ANAPC7: variants seen among roughly 807,000 people sequenced by gnomAD.
ANAPC7 encodes the protein anaphase-promoting complex subunit 7.
Under a neutral mutation model 63.3 loss-of-function variants are expected in ANAPC7, and 25 were observed. The observed-to-expected ratio is 0.39, with a 90% CI of 0.29 to 0.55. The LOEUF is 0.55. Among genes scored for constraint, ANAPC7 ranks in the 20% least tolerant of loss-of-function variants. The probability of loss-of-function intolerance (pLI) is 0.57; values close to 1 mark genes in which losing one functional copy is unlikely to be tolerated. For missense variants in ANAPC7, 516 were observed against 691.7 expected (o/e 0.75, Z 2.85); for synonymous variants, 241 against 251.7 (o/e 0.96, Z 0.40).
At chr12:110,382,492 ATATT>A (rs1414036203) in intron 7 of ANAPC7, among the ~76,000 whole-genome samples, 30 of 133,012 alleles carry the variant, frequency 2.3e-4, no homozygotes, top group African/African-American at 8.4e-4. Context: ...ATATATATAT[ATATT>A]TATAGAGACA....
rs1881399973 is a variant in ANAPC7, at chr12:110,377,531, C to T, written c.1219G>A (p.Ala407Thr). The change falls in exon 9 of 11, where the codon GCA becomes ACA. Residue 407 changes from alanine to threonine, a missense_variant. Ala to Thr is a moderately conservative substitution (Grantham distance 58). Around this residue, in one of 4 missense-constraint regions of ANAPC7, gnomAD observed 122 missense variants for 212.0 expected, o/e 0.58. Transcript: ENST00000455511. Reference sequence around the variant, plus strand: ...GTGGCTAAAAGGGTAAGGGTCTGTGCATTTGCTCCCAGAGTTTTGTAAACG... The same window carrying T: ...GTGGCTAAAAGGGTAAGGGTCTGTGTATTTGCTCCCAGAGTTTTGTAAACG... The part of the protein sequence containing the change: ...NNVYKTLGAN[A>T]QTLTLLATVC... The T allele has an allele frequency of 1.2e-6, 2 of 1,614,088 alleles. No homozygotes were observed. Among genetic ancestry groups the T allele is most frequent in the Non-Finnish European group, 1.7e-6 (2 of 1,180,056 alleles).
In ANAPC7 at chr12:110,382,308, CA is replaced by C. The variant is rs377333706; in HGVS notation, c.936-361del. Among the ~76,000 whole-genome samples, 74 of 150,992 alleles carry C rather than the reference CA, an allele frequency of 4.9e-4. 1 individual carries two copies. The East Asian group carries it at 0.011, about 23-fold the overall frequency. ...TCAGTACTAAGCACAATGCATTCAC[CA>C]ACTCAGTTAATGCTTAACCCTAGAA... On this transcript the variant is annotated intron_variant, in intron 7 of 10. Coordinates refer to ENST00000455511, the MANE Select transcript of ANAPC7 (RefSeq NM_016238.3).
chr12:110,398,459 T>C (rs2137990499), intron 1 of ANAPC7, among the ~76,000 whole-genome samples: 1 of 151,964 alleles, frequency 6.6e-6, no homozygotes, highest in Non-Finnish European at 1.5e-5. Flanking sequence ...CTAGAATTCT[T>C]ACCTCCTGGA....
At chr12:110,395,847 ATC>A (rs1883529057) in intron 2 of ANAPC7, among the ~76,000 whole-genome samples, 1 of 152,058 alleles carries the variant, frequency 6.6e-6, no homozygotes, top group Admixed American at 6.6e-5. Context: ...TTCTGGCCTC[ATC>A]TTCTACATCT....
At chr12:110,394,756 G>A (rs948814602) in intron 3 of ANAPC7, among the ~76,000 whole-genome samples, 4 of 151,816 alleles carry the variant, frequency 2.6e-5, no homozygotes, top group African/African-American at 7.3e-5. Flanking sequence ...TGAGGTGGGA[G>A]GATTGCTTAA....
rs1022080168 is a variant in ANAPC7, at chr12:110,387,506, C to T, written c.674+233G>A. 12 of 347,342 alleles carry T rather than the reference C, an allele frequency of 3.5e-5. No individual in the cohort carries two copies. The East Asian group carries it at 5.4e-4, about 16-fold the overall frequency. 21.5% of individuals were successfully genotyped at this position (347,342 alleles called of 1,614,324 possible). A position where few individuals can be genotyped will look rare whatever the true frequency, so the allele number is the denominator to read the frequency against. ...TGCTTTGCTTTGCAAGGGTTACTAC[C>T]TGTGCAGGCACAGAGCTAAACTCAG... On this transcript the variant is annotated intron_variant, in intron 5 of 10. Transcript: ENST00000455511.
Position 110,388,040 on chromosome 12 carries a change from TTTC to T in ANAPC7, c.521-151_521-149del, listed in dbSNP as rs371818494. Reference sequence around the variant, plus strand: ...ATGAGAGAAAAACCATAATTTAGTATTTCTTTTCTTTTTGAGACAGTGTCTTGT... The same window carrying T: ...ATGAGAGAAAAACCATAATTTAGTATTTTTCTTTTTGAGACAGTGTCTTGT... On this transcript the variant is annotated intron_variant, in intron 4 of 10. Transcript: ENST00000455511. 266 of 869,898 alleles carry T rather than the reference TTTC, an allele frequency of 3.1e-4. 1 individual carries two copies. In the East Asian group the frequency reaches 6.5e-3, roughly 21 times the overall value. The allele number at this position is 869,898 out of a possible 1,614,324, so 53.9% of individuals were successfully genotyped here.
intron 10 of ANAPC7, 117 bp from the exon 11 acceptor site, chr12:110,374,450 A>G: frequency 1.0e-6 from 1 of 983,548 alleles, no homozygotes; most frequent in Non-Finnish European, 1.5e-6. Context: ...AATGTGCTAA[A>G]GCCTGGCCTC....
intron 8 of ANAPC7, among the ~76,000 whole-genome samples, chr12:110,381,331 TTTGTTG>T (rs1240857018): frequency 1.3e-5 from 2 of 152,032 alleles, no homozygotes; most frequent in African/African-American, 2.4e-5. Flanking sequence ...ATGATGTTTT[TTTGTTG>T]TTGTTGTTGT....
At chr12:110,403,034 GC>G (rs373126088) in intron 1 of ANAPC7, among the ~76,000 whole-genome samples, 68 of 152,306 alleles carry the variant, frequency 4.5e-4, no homozygotes, top group Non-Finnish European at 9.1e-4. Context: ...GAGCCACCGC[GC>G]CCGGCCCCGT....
chr12:110,381,161 C>T (rs116572599), intron 8 of ANAPC7, among the ~76,000 whole-genome samples: 2,258 of 151,972 alleles, frequency 0.015, 62 homozygotes, highest in African/African-American at 0.053. Flanking sequence ...CAGTGAAAGC[C>T]CTAAATAAAT....
At chr12:110,403,026 G>A (rs536909558) in intron 1 of ANAPC7, among the ~76,000 whole-genome samples, 2 of 152,178 alleles carry the variant, frequency 1.3e-5, no homozygotes, top group Non-Finnish European at 2.9e-5. Flanking sequence ...AGAGGCGTGA[G>A]CCACCGCGCC....
intron 8 of ANAPC7, among the ~76,000 whole-genome samples, chr12:110,380,477 T>C (rs1282394031): frequency 1.4e-4 from 20 of 141,892 alleles, no homozygotes; most frequent in African/African-American, 5.0e-4. Flanking sequence ...ATGGTGAAAC[T>C]CCATCTCACT....
chr12:110,377,336 G>A (rs1881381124), intron 9 of ANAPC7, 57 bp downstream of exon 9: 6 of 1,483,652 alleles, frequency 4.0e-6, no homozygotes, highest in Non-Finnish European at 5.6e-6. Context: ...GGCTCCAACT[G>A]AGGTCAGGTT....
intron 8 of ANAPC7, among the ~76,000 whole-genome samples, chr12:110,379,968 C>T (rs1280073544): frequency 6.6e-6 from 1 of 152,150 alleles, no homozygotes; most frequent in Non-Finnish European, 1.5e-5. Context: ...AATGAACAGA[C>T]CCATTCCCAC....
At chr12:110,397,576 T>G (rs1212710379) in intron 1 of ANAPC7, among the ~76,000 whole-genome samples, 1 of 127,888 alleles carries the variant, frequency 7.8e-6, no homozygotes, top group African/African-American at 3.2e-5. Context: ...AAAAAAACAC[T>G]AAAAACTAAA....
At position 110,396,433 on chromosome 12, in the gene ANAPC7, G is replaced by C. The variant is rs866336894; in HGVS notation, c.121C>G (p.Gln41Glu). The C allele has an allele frequency of 6.2e-7, 1 of 1,608,456 alleles. No individual in the cohort carries two copies. The highest frequency in any genetic ancestry group is 1.1e-5 in the South Asian group (1 of 89,824). ...NNNPELFSPP[Q>E]KYQLLVYHAD... ...TGATACACCAAAAGCTGGTACTTCTGAGGTGGGGAGAATAACTCACTAGAA... is the reference window on the plus strand; with the variant it reads ...TGATACACCAAAAGCTGGTACTTCTCAGGTGGGGAGAATAACTCACTAGAA... Residue 41 changes from glutamine (Q) to glutamate (E), a missense_variant, in exon 2 of 11, where the codon CAG (glutamine) becomes GAG (glutamate). By Grantham distance (29) the Gln-to-Glu change is conservative. Around this residue, in one of 4 missense-constraint regions of ANAPC7, gnomAD observed 185 missense variants for 200.3 expected, o/e 0.92. Coordinates refer to ENST00000455511, the MANE Select transcript of ANAPC7 (RefSeq NM_016238.3).
intron 6 of ANAPC7, among the ~76,000 whole-genome samples, chr12:110,384,720 G>A (rs1026964270): frequency 2.0e-5 from 3 of 151,652 alleles, no homozygotes; most frequent in Admixed American, 2.0e-4. Flanking sequence ...AACCAAAGGA[G>A]CAGAACAACC....
At chr12:110,387,349 GA>G (rs1882656312) in intron 5 of ANAPC7, 1 of 102,214 alleles carries the variant, frequency 9.8e-6, no homozygotes, top group Non-Finnish European at 1.9e-5. Context: ...GAGAGAGAGA[GA>G]GACAGAGAGA....
Sources: gnomAD v4.1 joint callset for allele counts (sites outside exome capture counted in the v4.1 genomes callset) on GRCh38, gnomAD v4.1.1 for gene constraint, gnomAD v4.1.1 regional missense constraint, MANE v1.5 for transcripts, NCBI Gene and HGNC (gene_info 2026-07-23, HGNC 2026-07-21) for gene names.